Variants in PCDHGB5 observed in about 807,000 individuals in gnomAD.
PCDHGB5 encodes protocadherin gamma subfamily B, 5.
PCDHGB5 carries 48 observed loss-of-function variants against 62.9 expected under a neutral mutation model. The observed-to-expected ratio is 0.76, with a 90% CI of 0.61 to 0.97. The LOEUF (loss-of-function observed/expected upper bound fraction) is 0.97. PCDHGB5 is among the 50% of genes least tolerant of loss of function. The pLI is 0.00. For synonymous variants in PCDHGB5, 474 were observed against 511.2 expected, an observed-to-expected ratio of 0.93 and a Z score of 0.98; for missense variants, 1,118 against 1,198.6, an observed-to-expected ratio of 0.93 and a Z score of 0.99.
At chr5:141,423,387 G>T (rs373190092) in intron 1 of PCDHGB5, 1 of 1,614,162 alleles carries the variant, frequency 6.2e-7, no homozygotes, top group Non-Finnish European at 8.5e-7. Context: ...TGTGGCGCTG[G>T]CATAAGTCAC....
intron 1 of PCDHGB5, among the ~76,000 whole-genome samples, chr5:141,449,229 A>G (rs1356585763): frequency 1.3e-5 from 2 of 152,142 alleles, no homozygotes; most frequent in South Asian, 2.1e-4. Context: ...AATGATTTCA[A>G]ATTTTCAAAG....
rs1251686604 is a variant in PCDHGB5 at position 141,485,257 on chromosome 5, T to C, written c.2398-9550T>C. ...TCTTTTACCACCTGGGTTACGTTTG[T>C]GGGCAGATCCGCTACCCGGTCCCAG... is the stretch of plus-strand genomic sequence containing the variant. On this transcript the variant is annotated intron_variant, in intron 1 of 3. Coordinates refer to ENST00000617380, the MANE Select transcript of PCDHGB5 (RefSeq NM_018925.3). This position sits in a 1 kb window ranked among gnomAD's most constrained non-coding sequence, Gnocchi z 5.7. The C allele has an allele frequency of 6.2e-7, 1 of 1,614,154 alleles. No homozygotes were observed.
chr5:141,416,452 A>T (rs2154546483), intron 1 of PCDHGB5: 1 of 152,342 alleles, frequency 6.6e-6, no homozygotes, highest in African/African-American at 2.4e-5. Flanking sequence ...ATGGGTTGGG[A>T]AGACAGATAA....
Position 141,432,136 on chromosome 5 carries a change from T to C in PCDHGB5, c.2397+31612T>C, listed in dbSNP as rs766026174. 2 of 1,613,960 alleles carry C rather than the reference T, an allele frequency of 1.2e-6. No individual in the cohort carries two copies. The highest frequency in any genetic ancestry group is 1.7e-5 in the Admixed American group (1 of 59,996). On this transcript the variant is annotated intron_variant, in intron 1 of 3. Transcript: ENST00000617380. The surrounding 1 kb of genome is among the most constrained non-coding windows in gnomAD (Gnocchi z 6.0). ...TCTTCCCTCAGGCCTCCTATTCCGC[T>C]TATATCCCAGAGAACAATCCCAGAG...
rs769249726 is a variant in PCDHGB5 at position 141,490,832 on chromosome 5, A to C, written c.2398-3975A>C. On this transcript the variant is annotated intron_variant, in intron 1 of 3. Transcript: ENST00000617380. This position sits in a 1 kb window ranked among gnomAD's most constrained non-coding sequence, Gnocchi z 5.4. Reference sequence around the variant, plus strand: ...GACTATGAATTGCTGCAGATGCTGCAGATTGTGGTGGGGGTTCGAGACTCC... The same window carrying C: ...GACTATGAATTGCTGCAGATGCTGCCGATTGTGGTGGGGGTTCGAGACTCC... 1.5e-5 allele frequency: 25 copies of C among 1,613,796 alleles called. No individual in the cohort carries two copies. In the South Asian group the frequency reaches 2.6e-4, roughly 17 times the overall value.
In PCDHGB5 at chr5:141,403,683, A is replaced by G. The variant is rs757429628; in HGVS notation, c.2397+3159A>G. 2.5e-6 allele frequency: 4 copies of G among 1,613,804 alleles called. No individual in the cohort carries two copies. The highest frequency in any genetic ancestry group is 1.7e-6 in the Non-Finnish European group (2 of 1,179,888). ...AATGATAATGCCCCGGTTTTTGCTC[A>G]ACGGATTTACCGAGTTAAAGTCCTT... On this transcript the variant is annotated intron_variant, in intron 1 of 3. Transcript: ENST00000617380.
chr5:141,501,296 C>T (rs4912760), intron 2 of PCDHGB5, among the ~76,000 whole-genome samples: 1,659 of 80,026 alleles, frequency 0.021, 16 homozygotes, highest in African/African-American at 0.042. Flanking sequence ...CTTATACACA[C>T]ACACACACAC....
rs769551114 is a variant in PCDHGB5, at chr5:141,402,989, T to A, written c.2397+2465T>A. On this transcript the variant is annotated intron_variant, in intron 1 of 3. Coordinates refer to ENST00000617380, the MANE Select transcript of PCDHGB5 (RefSeq NM_018925.3). ...AACCAAATGCCAGCTCCGCGGAAGA[T>A]TAGTCCTGCTATGCTCGCTCCTGGG... The A allele has an allele frequency of 2.5e-6, 4 of 1,611,874 alleles. No homozygotes were observed. Among genetic ancestry groups the A allele is most frequent in the Non-Finnish European group, 3.4e-6 (4 of 1,179,236 alleles).
intron 1 of PCDHGB5, among the ~76,000 whole-genome samples, chr5:141,437,360 G>T (rs1432098876): frequency 6.6e-6 from 1 of 152,144 alleles, no homozygotes; most frequent in Non-Finnish European, 1.5e-5. Context: ...ACCTAAAATT[G>T]GAATGTAATC....
At chr5:141,482,852 A>G (rs1237049208) in intron 1 of PCDHGB5, among the ~76,000 whole-genome samples, 1 of 144,420 alleles carries the variant, frequency 6.9e-6, no homozygotes, top group Non-Finnish European at 1.5e-5. Flanking sequence ...TGGGCAGATC[A>G]CTTGAGGTCA....
intron 2 of PCDHGB5, among the ~76,000 whole-genome samples, chr5:141,495,587 C>T (rs1391263118): frequency 6.6e-6 from 1 of 152,238 alleles, no homozygotes. Context: ...TTCTCCATCT[C>T]TGTCTTAGCT....
intron 1 of PCDHGB5, chr5:141,423,750 TGGGG>T: frequency 7.0e-5 from 20 of 287,406 alleles, no homozygotes; most frequent in Non-Finnish European, 9.0e-5. Context: ...GAAAACTGTT[TGGGG>T]GGGGGGTGGG....
At chr5:141,409,153 G>A in intron 1 of PCDHGB5, 1 of 1,614,026 alleles carries the variant, frequency 6.2e-7, no homozygotes. Context: ...GGTACACCAT[G>A]GAAGTGGAAG....
chr5:141,477,845 G>A lies in PCDHGB5; in HGVS notation c.2398-16962G>A, dbSNP rs1164464559. On this transcript the variant is annotated intron_variant, in intron 1 of 3. Transcript: ENST00000617380. This position sits in a 1 kb window ranked among gnomAD's most constrained non-coding sequence, Gnocchi z 4.9. ...ATATCCTCGGCCAGGTGGGAGCTCGGTGGAGATGCTGCCTCGAGGTACCTC... is the reference window on the plus strand; with the variant it reads ...ATATCCTCGGCCAGGTGGGAGCTCGATGGAGATGCTGCCTCGAGGTACCTC... 11 of 1,614,040 alleles carry A rather than the reference G, an allele frequency of 6.8e-6. No individual in the cohort carries two copies. The highest frequency in any genetic ancestry group is 9.3e-6 in the Non-Finnish European group (11 of 1,180,036).
intron 1 of PCDHGB5, among the ~76,000 whole-genome samples, chr5:141,449,061 A>G (rs1280366583): frequency 1.3e-5 from 2 of 152,190 alleles, no homozygotes; most frequent in Non-Finnish European, 2.9e-5. Context: ...AATGAGCGCT[A>G]TTGAATAGCC....
intron 1 of PCDHGB5, 143 bp from the exon 2 acceptor site, chr5:141,494,664 A>T: frequency 6.7e-7 from 1 of 1,500,298 alleles, no homozygotes; most frequent in Non-Finnish European, 8.9e-7. Flanking sequence ...GTCTTTGGAG[A>T]TGAGTCCACC....
intron 1 of PCDHGB5, chr5:141,421,377 C>T (rs1168242339): frequency 1.9e-6 from 3 of 1,613,924 alleles, no homozygotes; most frequent in South Asian, 1.1e-5. Context: ...GCAATATCTC[C>T]AAGGACCTGG....
chr5:141,478,716 G>T, intron 1 of PCDHGB5: 1 of 1,545,206 alleles, frequency 6.5e-7, no homozygotes. Flanking sequence ...TGAGATGGTG[G>T]CCTGCCAGAG....
chr5:141,491,895 A>C lies in PCDHGB5; in HGVS notation c.2398-2912A>C. 1.4e-6 allele frequency: 2 copies of C among 1,434,306 alleles called. No individual in the cohort carries two copies. The highest frequency in any genetic ancestry group is 1.8e-6 in the Non-Finnish European group (2 of 1,084,904). 88.8% of individuals were successfully genotyped at this position (1,434,306 alleles called of 1,614,324 possible). Reference sequence around the variant, plus strand: ...CCGATTAAGGGATGGGGCTCCGAGCACCGGGGGTGGTGGCGACTGTGGGCG... The same window carrying C: ...CCGATTAAGGGATGGGGCTCCGAGCCCCGGGGGTGGTGGCGACTGTGGGCG... On this transcript the variant is annotated intron_variant, in intron 1 of 3. Transcript: ENST00000617380. The surrounding 1 kb of genome is among the most constrained non-coding windows in gnomAD (Gnocchi z 6.9).
Sources: gnomAD v4.1 joint callset for allele counts (sites outside exome capture counted in the v4.1 genomes callset) on GRCh38, gnomAD v4.1.1 for gene constraint, Gnocchi (gnomAD v3.1) non-coding constraint, MANE v1.5 for transcripts, NCBI Gene and HGNC (gene_info 2026-07-23, HGNC 2026-07-21) for gene names.